The following NTSR1 variants were observed in gnomAD, a reference collection of about 807,000 sequenced individuals.
NTSR1 encodes neurotensin receptor type 1.
A neutral mutation model predicts 31.2 loss-of-function variants in NTSR1; 29 were observed. The ratio of observed to expected loss-of-function variants is 0.93; its 90% CI spans 0.69 to 1.27. The LOEUF is 1.27. Among genes scored for constraint, NTSR1 ranks in the 50% most tolerant of loss-of-function variants. NTSR1 has a pLI of 0.00. For synonymous variants in NTSR1, 282 were observed against 269.9 expected, an observed-to-expected ratio of 1.04 and a Z score of -0.44; for missense variants, 697 against 595.4, an observed-to-expected ratio of 1.17 and a Z score of -1.78.
chr20:62,750,263 CAG>C (rs1168741604), intron 1 of NTSR1, among the ~76,000 whole-genome samples: 2 of 152,134 alleles, frequency 1.3e-5, no homozygotes, highest in African/African-American at 4.8e-5. Context: ...CTCGTGAAGA[CAG>C]AGAGCAGAGC....
rs1272474685 is a variant in NTSR1 at position 62,709,211 on chromosome 20, C to T, written c.4C>T (p.Arg2Cys). Residue 2 changes from arginine to cysteine, a missense_variant, in exon 1 of 4, where the codon CGC (arginine) becomes TGC (cysteine). Coordinates refer to ENST00000370501, the MANE Select transcript of NTSR1 (RefSeq NM_002531.3). M[R>C]LNSSAPGTPG... ...GCCGCGGACTCCAGCGCCCACCATG[C>T]GCCTCAACAGCTCCGCGCCGGGAAC... is the stretch of plus-strand genomic sequence containing the variant. 6.9e-7 allele frequency: 1 copy of T among 1,452,700 alleles called. No individual in the cohort carries two copies. The allele number at this position is 1,452,700 out of a possible 1,614,324, so 90.0% of individuals were successfully genotyped here.
In NTSR1 at chr20:62,743,278, G is replaced by A. The variant is rs1002091292; in HGVS notation, c.715-11407G>A. On this transcript the variant is annotated intron_variant, in intron 1 of 3. Coordinates refer to ENST00000370501, the MANE Select transcript of NTSR1 (RefSeq NM_002531.3). The surrounding 1 kb of genome is among the most constrained non-coding windows in gnomAD (Gnocchi z 7.5). The stretch of plus-strand genomic sequence containing the variant: ...GCCTTTGAGTTGTTCACCAATCATT[G>A]GGGTTTCGAACAAGCCTGTGCTGAC... 6.7e-6 allele frequency among the ~76,000 whole-genome samples: 1 copy of A among 149,448 alleles called. No individual in the cohort carries two copies. The highest frequency in any genetic ancestry group is 1.5e-5 in the Non-Finnish European group (1 of 67,986).
chr20:62,731,121 G>A (rs1988995592), intron 1 of NTSR1, among the ~76,000 whole-genome samples: 2 of 152,028 alleles, frequency 1.3e-5, no homozygotes, highest in Admixed American at 6.6e-5. Flanking sequence ...TTTCGCTCTT[G>A]TTGCCCAGGC....
chr20:62,760,317 C>G lies in NTSR1; in HGVS notation c.*50C>G. The G allele has an allele frequency of 6.4e-7, 1 of 1,552,586 alleles. No individual in the cohort carries two copies. ...GGAGGAGCCTGGCCATGGGTCCTTG[C>G]CCCCGACAGACAGAGCAGCCCCCAC... On this transcript the variant is annotated 3_prime_UTR_variant, in exon 4 of 4. Transcript: ENST00000370501.
At chr20:62,735,418 G>A (rs1989074201) in intron 1 of NTSR1, 1 of 152,224 alleles carries the variant, frequency 6.6e-6, no homozygotes, top group Non-Finnish European at 1.5e-5. Context: ...CCCGGGGAGA[G>A]AGTGGGTGCC....
At chr20:62,756,141 C>G (rs555804430) in intron 2 of NTSR1, among the ~76,000 whole-genome samples, 1 of 151,964 alleles carries the variant, frequency 6.6e-6, no homozygotes, top group African/African-American at 2.4e-5. Context: ...GACACAAACA[C>G]AGGCACCAGG....
chr20:62,718,058 C>T (rs1309142562), intron 1 of NTSR1, among the ~76,000 whole-genome samples: 1 of 152,094 alleles, frequency 6.6e-6, no homozygotes, highest in Non-Finnish European at 1.5e-5. Context: ...AGGGCAGGCA[C>T]GTGCTGGGGG....
intron 1 of NTSR1, among the ~76,000 whole-genome samples, chr20:62,729,729 C>T (rs1988972320): frequency 6.7e-6 from 1 of 149,988 alleles, no homozygotes; most frequent in Non-Finnish European, 1.5e-5. Flanking sequence ...TCAAGTGATT[C>T]TCCTGCCTCA....
chr20:62,710,900 G>A (rs777330144), intron 1 of NTSR1, among the ~76,000 whole-genome samples: 6 of 152,202 alleles, frequency 3.9e-5, no homozygotes, highest in Non-Finnish European at 7.4e-5. Flanking sequence ...GCCAGAGGGT[G>A]AAGGATCCGG....
At chr20:62,718,719 G>A (rs1988779757) in intron 1 of NTSR1, among the ~76,000 whole-genome samples, 1 of 152,146 alleles carries the variant, frequency 6.6e-6, no homozygotes, top group Non-Finnish European at 1.5e-5. Flanking sequence ...TTATTGTGCA[G>A]TCAGATCCAT....
rs775620006 is a variant in NTSR1, at chr20:62,760,080, C to G, written c.1070C>G (p.Ser357Cys). ...MVTNALFYVS[S>C]TINPILYNLV... is the part of the protein sequence containing the mutation. ...ACCAACGCACTCTTCTACGTCAGCT[C>G]CACCATCAACCCCATCCTGTACAAC... is the stretch of plus-strand genomic sequence containing the variant. The change falls in exon 4 of 4, where the codon TCC becomes TGC. Residue 357 changes from serine to cysteine, a missense_variant. By Grantham distance (112) the Ser-to-Cys change is moderately radical. Transcript: ENST00000370501. 1.2e-6 allele frequency: 2 copies of G among 1,614,126 alleles called. No individual in the cohort carries two copies. Among genetic ancestry groups the G allele is most frequent in the Non-Finnish European group, 1.7e-6 (2 of 1,179,978 alleles).
rs1374125555 is a variant in NTSR1 at position 62,728,724 on chromosome 20, G to T, written c.714+18803G>T. Among the ~76,000 whole-genome samples the T allele has an allele frequency of 2.0e-5, 3 of 152,110 alleles. No individual in the cohort carries two copies. The East Asian group carries it at 5.8e-4, about 29-fold the overall frequency. On this transcript the variant is annotated intron_variant, in intron 1 of 3. Transcript: ENST00000370501. The stretch of plus-strand genomic sequence containing the variant: ...GTCGCGAAGGGCAGGCCAACACCCG[G>T]AGGCCAAGCAGGTTTCACGGCAGCC...
intron 3 of NTSR1, 112 bp from the exon 4 acceptor site, chr20:62,759,906 T>A: frequency 9.7e-7 from 1 of 1,031,980 alleles, no homozygotes; most frequent in South Asian, 1.5e-5. Context: ...AGGGGTGTTT[T>A]AATTAGCGTC....
chr20:62,708,923 G>A lies in NTSR1; in HGVS notation c.-285G>A. On this transcript the variant is annotated 5_prime_UTR_variant, in exon 1 of 4. Transcript: ENST00000370501. The surrounding 1 kb of genome is among the most constrained non-coding windows in gnomAD (Gnocchi z 5.9). Reference sequence around the variant, plus strand: ...CGCGGTTTGGAGATCGGAGGCACCTGGAACCCGTGGCAAGCGCCGAGCCGG... The same window carrying A: ...CGCGGTTTGGAGATCGGAGGCACCTAGAACCCGTGGCAAGCGCCGAGCCGG... 2.7e-6 allele frequency: 1 copy of A among 377,140 alleles called. No homozygotes were observed. Among genetic ancestry groups the A allele is most frequent in the South Asian group, 8.4e-5 (1 of 11,900 alleles). 23.4% of individuals were successfully genotyped at this position (377,140 alleles called of 1,614,324 possible).
At chr20:62,726,931 A>G (rs1191834856) in intron 1 of NTSR1, among the ~76,000 whole-genome samples, 1 of 152,152 alleles carries the variant, frequency 6.6e-6, no homozygotes, top group East Asian at 1.9e-4. Context: ...GAACCAGGTG[A>G]CGGCAGGTGC....
chr20:62,720,724 G>A (rs1253385597), intron 1 of NTSR1, among the ~76,000 whole-genome samples: 1 of 151,758 alleles, frequency 6.6e-6, no homozygotes, highest in Non-Finnish European at 1.5e-5. Flanking sequence ...TCCTAAGGTG[G>A]GAGCTTGGAT....
At chr20:62,717,126 CA>C (rs1988744161) in intron 1 of NTSR1, among the ~76,000 whole-genome samples, 1 of 152,238 alleles carries the variant, frequency 6.6e-6, no homozygotes, top group African/African-American at 2.4e-5. Flanking sequence ...CTGCTCTTCC[CA>C]AAAGCATTGC....
chr20:62,751,162 C>CCA (rs1989388085), intron 1 of NTSR1, among the ~76,000 whole-genome samples: 4 of 152,170 alleles, frequency 2.6e-5, no homozygotes. Flanking sequence ...CAGGAATGAG[C>CCA]CACGGTACCT....
chr20:62,754,613 G>A (rs557085859), intron 1 of NTSR1, 72 bp from the exon 2 acceptor site: 71 of 1,273,130 alleles, frequency 5.6e-5, no homozygotes, highest in Admixed American at 3.0e-4. Flanking sequence ...CAATCAGCAC[G>A]GCAGGCATCC....
Sources: gnomAD v4.1 joint callset for allele counts (sites outside exome capture counted in the v4.1 genomes callset) on GRCh38, gnomAD v4.1.1 for gene constraint, Gnocchi (gnomAD v3.1) non-coding constraint, MANE v1.5 for transcripts, NCBI Gene and HGNC (gene_info 2026-07-23, HGNC 2026-07-21) for gene names.